SPOCK3: variants seen among roughly 807,000 people sequenced by gnomAD.
The protein encoded by SPOCK3 is testican-3.
In SPOCK3, 30 loss-of-function variants were observed where a neutral mutation model predicts 56.6. That is an observed-to-expected ratio of 0.53 (90% CI 0.40 to 0.72). SPOCK3 has a LOEUF of 0.72. SPOCK3 is among the 30% of genes least tolerant of loss of function. The pLI is 0.00. For missense variants in SPOCK3, 527 were observed against 530.0 expected, an observed-to-expected ratio of 0.99 and a Z score of 0.06; for synonymous variants, 196 against 183.3, an observed-to-expected ratio of 1.07 and a Z score of -0.56.
chr4:166,932,275 T>C (rs1345141205), intron 4 of SPOCK3, among the ~76,000 whole-genome samples: 2 of 152,162 alleles, frequency 1.3e-5, no homozygotes, highest in African/African-American at 4.8e-5. Context: ...TGGGAAAGTA[T>C]CATATCTGTT....
At chr4:167,234,630 C>G (rs1476810328), upstream of SPOCK3, 1 of 191,362 alleles carries the variant, frequency 5.2e-6, no homozygotes, top group Non-Finnish European at 1.1e-5. Flanking sequence ...CCAGCTTACT[C>G]CCCTCCGTTC....
At chr4:167,037,774 C>G (rs1338009285) in intron 3 of SPOCK3, among the ~76,000 whole-genome samples, 1 of 152,180 alleles carries the variant, frequency 6.6e-6, no homozygotes, top group East Asian at 1.9e-4. Flanking sequence ...TTAGGAAAAT[C>G]TGGTTCATAC....
At chr4:167,126,749 T>A (rs1762318975) in intron 2 of SPOCK3, among the ~76,000 whole-genome samples, 1 of 152,170 alleles carries the variant, frequency 6.6e-6, no homozygotes, top group African/African-American at 2.4e-5. Context: ...AACTTATCCT[T>A]TTAGAAAACC....
intron 2 of SPOCK3, among the ~76,000 whole-genome samples, chr4:167,233,050 GCC>G (rs1476815419): frequency 1.3e-5 from 2 of 152,184 alleles, no homozygotes; most frequent in African/African-American, 4.8e-5. Flanking sequence ...TCCAGTTCAG[GCC>G]TTCCGCGTTT....
chr4:167,097,745 C>T (rs1394942176), intron 2 of SPOCK3, among the ~76,000 whole-genome samples: 2 of 151,754 alleles, frequency 1.3e-5, no homozygotes, highest in African/African-American at 4.8e-5. Flanking sequence ...GACATGCACA[C>T]TCATGTCATC....
At chr4:166,794,271 T>C (rs1741667519) in intron 6 of SPOCK3, among the ~76,000 whole-genome samples, 1 of 148,244 alleles carries the variant, frequency 6.7e-6, no homozygotes, top group South Asian at 2.2e-4. Context: ...CACTGTAGCC[T>C]GCTGTCTCTG....
chr4:166,940,706 G>C (rs953413526), intron 4 of SPOCK3, among the ~76,000 whole-genome samples: 4 of 150,196 alleles, frequency 2.7e-5, no homozygotes, highest in Non-Finnish European at 5.9e-5. Flanking sequence ...CAGAACCTAA[G>C]ACAGCAAAGA....
At chr4:166,887,245 C>A (rs1170648359) in intron 6 of SPOCK3, among the ~76,000 whole-genome samples, 3 of 152,132 alleles carry the variant, frequency 2.0e-5, no homozygotes, top group South Asian at 4.1e-4. Context: ...ATCAGCAATA[C>A]CTTTTCATTC....
At chr4:167,225,861 G>A (rs1736545000) in intron 2 of SPOCK3, among the ~76,000 whole-genome samples, 1 of 152,090 alleles carries the variant, frequency 6.6e-6, no homozygotes, top group African/African-American at 2.4e-5. Flanking sequence ...CTGTCCCAGA[G>A]ATACTAGAAC....
Position 167,122,084 on chromosome 4 carries a change from CTTTTCTT to C in SPOCK3, c.190-59554_190-59548del, listed in dbSNP as rs561579894. On this transcript the variant is annotated intron_variant, in intron 2 of 10. Transcript: ENST00000357545. ...CTCCCTCCCTCTTTTCTTTTCCTTT[CTTTTCTT>C]TTTTCTTTTCTCTTCTCTTCTCTTT... Among the ~76,000 whole-genome samples the C allele has an allele frequency of 4.6e-3, 682 of 148,380 alleles. 3 individuals carry two copies. Among genetic ancestry groups the C allele is most frequent in the Non-Finnish European group, 7.8e-3 (520 of 67,066 alleles).
Position 166,883,750 on chromosome 4 carries a change from A to T in SPOCK3, c.589+5380T>A, listed in dbSNP as rs529893078. On this transcript the variant is annotated intron_variant, in intron 6 of 10. Transcript: ENST00000357545. Reference sequence around the variant, plus strand: ...GTGACAACAGCATATGAATCATTAAAACTGCTTTCTTTTAACAGTGCCTAA... The same window carrying T: ...GTGACAACAGCATATGAATCATTAATACTGCTTTCTTTTAACAGTGCCTAA... Among the ~76,000 whole-genome samples the T allele has an allele frequency of 3.9e-5, 6 of 152,340 alleles. No homozygotes were observed. The South Asian group carries it at 1.2e-3, about 32-fold the overall frequency.
intron 4 of SPOCK3, among the ~76,000 whole-genome samples, chr4:166,939,731 TAG>T (rs1740837090): frequency 6.6e-6 from 1 of 152,212 alleles, no homozygotes; most frequent in Admixed American, 6.6e-5. Context: ...CTTGCTAAAA[TAG>T]TTCGAAACCA....
intron 6 of SPOCK3, among the ~76,000 whole-genome samples, chr4:166,876,295 G>A (rs896814149): frequency 1.3e-5 from 2 of 152,154 alleles, no homozygotes; most frequent in Non-Finnish European, 2.9e-5. Flanking sequence ...CGCTGCGAAT[G>A]TGACTGGTGT....
intron 2 of SPOCK3, among the ~76,000 whole-genome samples, chr4:167,211,149 G>C (rs28654424): frequency 0.13 from 20,447 of 152,144 alleles, 1,721 homozygotes; most frequent in African/African-American, 0.22. Context: ...TTTAAGATTT[G>C]ACTGCCCCTT....
intron 2 of SPOCK3, among the ~76,000 whole-genome samples, chr4:167,199,826 T>G (rs186446135): frequency 1.3e-5 from 2 of 150,876 alleles, no homozygotes; most frequent in African/African-American, 4.8e-5. Context: ...ACTTATCATA[T>G]GTACTATTCT....
intron 7 of SPOCK3, among the ~76,000 whole-genome samples, chr4:166,774,260 C>T (rs1322868332): frequency 2.6e-5 from 4 of 152,066 alleles, no homozygotes; most frequent in Non-Finnish European, 4.4e-5. Context: ...ATGAACGATA[C>T]GTAAGAGTGG....
At chr4:166,882,884 T>A (rs1733817424) in intron 6 of SPOCK3, 1 of 152,198 alleles carries the variant, frequency 6.6e-6, no homozygotes, top group Admixed American at 6.5e-5. Flanking sequence ...AAACTTAATT[T>A]TTATTATAAA....
chr4:166,927,570 A>G (rs747896513), intron 4 of SPOCK3, among the ~76,000 whole-genome samples: 5 of 152,294 alleles, frequency 3.3e-5, no homozygotes, highest in Admixed American at 6.5e-5. Context: ...TCTTCACAAA[A>G]TGTAACTCAA....
chr4:166,790,668 T>C (rs1274256086), intron 7 of SPOCK3, among the ~76,000 whole-genome samples: 1 of 152,198 alleles, frequency 6.6e-6, no homozygotes, highest in Non-Finnish European at 1.5e-5. Context: ...AGGAAAATAT[T>C]TGTGAATGTG....
Sources: gnomAD v4.1 joint callset for allele counts (sites outside exome capture counted in the v4.1 genomes callset) on GRCh38, gnomAD v4.1.1 for gene constraint, MANE v1.5 for transcripts, NCBI Gene and HGNC (gene_info 2026-07-23, HGNC 2026-07-21) for gene names.